The following KLHL1 variants were observed in gnomAD, a reference collection of about 807,000 sequenced individuals.
The protein encoded by KLHL1 is kelch like family member 1, also known as kelch-like protein 1.
KLHL1 carries 47 observed loss-of-function variants against 77.7 expected under a neutral mutation model. The ratio of observed to expected loss-of-function variants is 0.60; its 90% CI spans 0.48 to 0.77. The LOEUF (loss-of-function observed/expected upper bound fraction) is 0.77. Among genes scored for constraint, KLHL1 ranks in the 30% least tolerant of loss-of-function variants. The probability of loss-of-function intolerance (pLI) is 0.00; values close to 1 mark genes in which losing one functional copy is unlikely to be tolerated. For synonymous variants in KLHL1, 360 were observed against 325.2 expected, an observed-to-expected ratio of 1.11 and a Z score of -1.15; for missense variants, 925 against 910.8, an observed-to-expected ratio of 1.02 and a Z score of -0.20.
chr13:69,798,916 A>G (rs1315965595), intron 6 of KLHL1, among the ~76,000 whole-genome samples: 1 of 151,942 alleles, frequency 6.6e-6, no homozygotes, highest in Non-Finnish European at 1.5e-5. Context: ...CACTAAAAAT[A>G]CAAAAAATAA....
Position 69,791,782 on chromosome 13 carries a change from C to G in KLHL1, c.1639+4956G>C, listed in dbSNP as rs1456954703. On this transcript the variant is annotated intron_variant, in intron 7 of 10. Transcript: ENST00000377844. ...TACAAAAATAACTCAAAGCACGGAT[C>G]ATATTTCTTAATTTAAGACCTTAAA... Among the ~76,000 whole-genome samples the G allele has an allele frequency of 2.6e-5, 4 of 152,242 alleles. No individual in the cohort carries two copies. In the East Asian group the frequency reaches 7.7e-4, roughly 29 times the overall value.
chr13:70,019,115 T>C (rs1452803412), intron 1 of KLHL1, among the ~76,000 whole-genome samples: 7 of 133,466 alleles, frequency 5.2e-5, no homozygotes, highest in Admixed American at 4.5e-4. Context: ...GTGTAGATCA[T>C]TCTTTCAAGG....
chr13:70,059,143 G>A (rs535514845), intron 1 of KLHL1, among the ~76,000 whole-genome samples: 2 of 149,364 alleles, frequency 1.3e-5, no homozygotes, highest in South Asian at 4.2e-4. Flanking sequence ...CATGGGAATG[G>A]ACAAATATTT....
At chr13:69,719,209 TGAGA>T (rs1555300511) in intron 9 of KLHL1, among the ~76,000 whole-genome samples, 156 bp downstream of exon 9, 23 of 36,928 alleles carry the variant, frequency 6.2e-4, no homozygotes, top group African/African-American at 1.0e-3. Context: ...TGTGTGTGTG[TGAGA>T]GAGAGAGAGA....
chr13:69,841,193 A>G (rs1879248917), intron 5 of KLHL1, among the ~76,000 whole-genome samples: 1 of 151,692 alleles, frequency 6.6e-6, no homozygotes, highest in Non-Finnish European at 1.5e-5. Flanking sequence ...CATATTCAAC[A>G]TAGTATTGGA....
intron 7 of KLHL1, among the ~76,000 whole-genome samples, chr13:69,781,273 CT>C (rs1476140051): frequency 1.0e-4 from 14 of 140,294 alleles, no homozygotes; most frequent in Admixed American, 3.6e-4. Context: ...TGAGAGACTC[CT>C]TTTTTTCTTT....
chr13:70,028,698 C>T (rs895308260), intron 1 of KLHL1, among the ~76,000 whole-genome samples: 2 of 151,982 alleles, frequency 1.3e-5, no homozygotes, highest in South Asian at 2.1e-4. Flanking sequence ...ATTCATAGGC[C>T]GGGCATGGTA....
At chr13:69,773,008 G>A (rs1875649087) in intron 7 of KLHL1, among the ~76,000 whole-genome samples, 1 of 151,902 alleles carries the variant, frequency 6.6e-6, no homozygotes, top group Admixed American at 6.6e-5. Flanking sequence ...ATCCGAGTGA[G>A]AAAGCATTTG....
At chr13:69,815,766 A>C (rs77555090) in intron 6 of KLHL1, among the ~76,000 whole-genome samples, 3,515 of 152,252 alleles carry the variant, frequency 0.023, 133 homozygotes, top group African/African-American at 0.081. Context: ...ATTAACTTTT[A>C]CTTCTAGGTG....
chr13:69,839,648 A>G (rs981932721), intron 5 of KLHL1, among the ~76,000 whole-genome samples: 2 of 151,984 alleles, frequency 1.3e-5, no homozygotes, highest in African/African-American at 2.4e-5. Flanking sequence ...AGATGAAAAA[A>G]TTTCTTCATA....
chr13:69,799,958 A>G (rs1249345181), intron 6 of KLHL1, among the ~76,000 whole-genome samples: 2 of 152,170 alleles, frequency 1.3e-5, no homozygotes, highest in Non-Finnish European at 2.9e-5. Context: ...GGAGGGATCT[A>G]GGTTGATCAT....
At chr13:69,995,324 T>C (rs974944052) in intron 1 of KLHL1, among the ~76,000 whole-genome samples, 2 of 152,018 alleles carry the variant, frequency 1.3e-5, no homozygotes, top group African/African-American at 4.8e-5. Flanking sequence ...AAAAAATTGA[T>C]CATGAGGTAT....
intron 1 of KLHL1, among the ~76,000 whole-genome samples, chr13:70,058,283 C>A (rs983211516): frequency 2.6e-5 from 4 of 152,098 alleles, no homozygotes; most frequent in Admixed American, 2.0e-4. Flanking sequence ...AGGAAGAAGT[C>A]AAATTATCCT....
chr13:70,102,338 T>G (rs999654738), intron 1 of KLHL1, among the ~76,000 whole-genome samples: 5 of 151,514 alleles, frequency 3.3e-5, no homozygotes, highest in African/African-American at 9.7e-5. Flanking sequence ...ATTTGCATAT[T>G]GTTTATTAAT....
chr13:70,094,010 G>C (rs1887731156), intron 1 of KLHL1, among the ~76,000 whole-genome samples: 1 of 152,046 alleles, frequency 6.6e-6, no homozygotes, highest in South Asian at 2.1e-4. Context: ...ATACGGTAAA[G>C]GGCTATGTTT....
chr13:69,780,743 T>TATATAC (rs1187433193), intron 7 of KLHL1, among the ~76,000 whole-genome samples: 2 of 60,958 alleles, frequency 3.3e-5, no homozygotes, highest in Non-Finnish European at 6.9e-5. Context: ...CATATATATA[T>TATATAC]ACATATATAT....
intron 4 of KLHL1, among the ~76,000 whole-genome samples, chr13:69,936,109 G>C (rs912694324): frequency 1.3e-5 from 2 of 152,170 alleles, no homozygotes; most frequent in Non-Finnish European, 2.9e-5. Flanking sequence ...GAATGAACTT[G>C]AACTAGAAAC....
intron 4 of KLHL1, among the ~76,000 whole-genome samples, chr13:69,902,881 T>C (rs1437945685): frequency 6.6e-6 from 1 of 152,072 alleles, no homozygotes; most frequent in Non-Finnish European, 1.5e-5. Context: ...GTTGTGCACA[T>C]GTACCCTAAA....
chr13:70,022,847 T>C (rs957146360), intron 1 of KLHL1, among the ~76,000 whole-genome samples: 3 of 151,964 alleles, frequency 2.0e-5, no homozygotes, highest in Admixed American at 6.6e-5. Flanking sequence ...ATGCATAGTT[T>C]ATAAGGCAAG....
Sources: allele counts gnomAD v4.1 joint callset (sites outside exome capture counted in the v4.1 genomes callset), GRCh38; gene constraint gnomAD v4.1.1; transcripts MANE v1.5; gene names NCBI Gene and HGNC (gene_info 2026-07-23, HGNC 2026-07-21).